JAKMIP3: variants seen among roughly 807,000 people sequenced by gnomAD.
The protein encoded by JAKMIP3 is janus kinase and microtubule-interacting protein 3.
JAKMIP3 carries 58 observed loss-of-function variants against 118.5 expected under a neutral mutation model. That is an observed-to-expected ratio of 0.49 (90% CI 0.40 to 0.61). The LOEUF is 0.61. JAKMIP3 is among the 20% of genes least tolerant of loss of function. The pLI, the probability that JAKMIP3 is intolerant of heterozygous loss-of-function variation, is 0.00. For missense variants in JAKMIP3, 950 were observed against 1,109.0 expected (o/e 0.86, Z 2.04); for synonymous variants, 486 against 451.2 (o/e 1.08, Z -0.98).
At position 132,153,038 on chromosome 10, in the gene JAKMIP3, G is replaced by A; in HGVS notation, c.2073+15G>A. ...TGGCCGAAAAGGTAACAGCAGCTGTGTGGACAGTCGGGAGAGGGCCGGGCT... is the reference window on the plus strand; with the variant it reads ...TGGCCGAAAAGGTAACAGCAGCTGTATGGACAGTCGGGAGAGGGCCGGGCT... On this transcript the variant is annotated intron_variant, in intron 17 of 23. Transcript: ENST00000684848. The A allele has an allele frequency of 1.2e-6, 2 of 1,600,168 alleles. No individual in the cohort carries two copies. The highest frequency in any genetic ancestry group is 1.7e-6 in the Non-Finnish European group (2 of 1,172,854).
Position 132,180,736 on chromosome 10 carries a change from TGCGTGCGTGC to T in JAKMIP3, c.*1104-1617_*1104-1608del, listed in dbSNP as rs1192703655. Among the ~76,000 whole-genome samples the T allele has an allele frequency of 9.3e-3, 105 of 11,318 alleles. 23 individuals carry two copies. The highest frequency in any genetic ancestry group is 0.038 in the South Asian group (10 of 266). 7.4% of individuals were successfully genotyped at this position (11,318 alleles called of 152,430 possible). On this transcript the variant is annotated intron_variant, in intron 23 of 23. Transcript: ENST00000684848. The stretch of plus-strand genomic sequence containing the variant: ...GTGTGTGTGCGTGTGTGTGCGTGTG[TGCGTGCGTGC>T]GCGCGCGTGTGTGCGTGTGTGTGCG...
At chr10:132,122,476 G>A (rs775108562) in intron 3 of JAKMIP3, among the ~76,000 whole-genome samples, 8 of 152,286 alleles carry the variant, frequency 5.3e-5, no homozygotes, top group Non-Finnish European at 1.0e-4. Flanking sequence ...GGAGAGACTG[G>A]AGGGGCCACA....
At chr10:132,162,716 A>G (rs747443159) in intron 19 of JAKMIP3, among the ~76,000 whole-genome samples, 22 of 141,164 alleles carry the variant, frequency 1.6e-4, no homozygotes, top group Non-Finnish European at 2.4e-4. Context: ...TTTGAAATAT[A>G]CAGAGCAAAC....
chr10:132,051,966 A>G (rs1450169162), intron 1 of JAKMIP3, among the ~76,000 whole-genome samples: 3 of 152,248 alleles, frequency 2.0e-5, no homozygotes, highest in Non-Finnish European at 4.4e-5. Context: ...GTGGTGGCTC[A>G]CACCCAGTAC....
chr10:132,080,539 TA>T (rs749076283), intron 1 of JAKMIP3, among the ~76,000 whole-genome samples: 1,376 of 107,646 alleles, frequency 0.013, 181 homozygotes, highest in Middle Eastern at 0.032. Flanking sequence ...TTTTTTTTTT[TA>T]AGATGGAGTC....
chr10:132,068,356 T>A (rs1250230963), intron 1 of JAKMIP3, among the ~76,000 whole-genome samples: 2 of 152,228 alleles, frequency 1.3e-5, no homozygotes, highest in Non-Finnish European at 2.9e-5. Context: ...GGTGTTAATT[T>A]TCCATTTGGA....
At chr10:132,110,421 A>G (rs1039469476) in intron 2 of JAKMIP3, among the ~76,000 whole-genome samples, 4 of 152,266 alleles carry the variant, frequency 2.6e-5, no homozygotes, top group African/African-American at 9.6e-5. Flanking sequence ...GCCTGTGGTT[A>G]TGTGAAGATG....
chr10:132,158,658 G>A (rs2932947), intron 19 of JAKMIP3, among the ~76,000 whole-genome samples: 1 of 151,070 alleles, frequency 6.6e-6, no homozygotes, highest in Admixed American at 6.6e-5. Flanking sequence ...CTGTGGGAGG[G>A]GCATCTTCCT....
chr10:132,077,673 A>T (rs561863733), intron 1 of JAKMIP3, among the ~76,000 whole-genome samples: 17 of 152,308 alleles, frequency 1.1e-4, no homozygotes, highest in Admixed American at 3.3e-4. Context: ...TTTTTGAGAC[A>T]GAGTTTCACT....
chr10:132,141,357 C>T (rs1032855577), intron 10 of JAKMIP3, among the ~76,000 whole-genome samples: 4 of 152,184 alleles, frequency 2.6e-5, no homozygotes, highest in African/African-American at 9.7e-5. Flanking sequence ...CGGGGGTCCA[C>T]CGGGACCCTT....
At chr10:132,056,478 C>A (rs950894093) in intron 1 of JAKMIP3, among the ~76,000 whole-genome samples, 1 of 152,176 alleles carries the variant, frequency 6.6e-6, no homozygotes, top group Non-Finnish European at 1.5e-5. Context: ...TACTGGAGAC[C>A]AATCGAGGCC....
chr10:132,105,048 C>T (rs1001549328), intron 2 of JAKMIP3, 105 bp downstream of exon 2: 1 of 1,337,948 alleles, frequency 7.5e-7, no homozygotes, highest in Non-Finnish European at 1.0e-6. Flanking sequence ...CTGTGGAAAC[C>T]CCCACCCAGT....
chr10:132,167,882 T>TCCCCCCC, intron 22 of JAKMIP3, 71 bp from the exon 23 acceptor site: 1 of 1,075,380 alleles, frequency 9.3e-7, no homozygotes. Context: ...CCCTCGCCCC[T>TCCCCCCC]CGGCCCTCGC....
At chr10:132,167,651 T>G (rs531167914) in intron 22 of JAKMIP3, among the ~76,000 whole-genome samples, 3 of 152,252 alleles carry the variant, frequency 2.0e-5, no homozygotes, top group Admixed American at 6.5e-5. Context: ...TTCGCCTCGG[T>G]CCTCGAGTCT....
At chr10:132,070,781 G>T (rs2039715032) in intron 1 of JAKMIP3, among the ~76,000 whole-genome samples, 1 of 152,174 alleles carries the variant, frequency 6.6e-6, no homozygotes, top group Non-Finnish European at 1.5e-5. Flanking sequence ...TAGTTTTGGG[G>T]CAGCTGCAGT....
chr10:132,097,607 T>C (rs966738886), intron 1 of JAKMIP3, among the ~76,000 whole-genome samples: 1 of 151,948 alleles, frequency 6.6e-6, no homozygotes, highest in African/African-American at 2.4e-5. Context: ...ACAGGAGTGT[T>C]CCCAACCTTT....
chr10:132,167,153 C>T (rs141430338), intron 22 of JAKMIP3, 98 bp downstream of exon 22: 17,412 of 829,738 alleles, frequency 0.021, 297 homozygotes, highest in Middle Eastern at 0.035. Flanking sequence ...ACCTGCCATT[C>T]GATCAACTGG....
intron 1 of JAKMIP3, among the ~76,000 whole-genome samples, chr10:132,102,874 A>T: frequency 6.6e-6 from 1 of 151,178 alleles, no homozygotes; most frequent in Admixed American, 6.6e-5. Context: ...ATGCAGGAGT[A>T]GGGGGGGAGG....
At chr10:132,084,516 G>C (rs1233803681) in intron 1 of JAKMIP3, among the ~76,000 whole-genome samples, 2 of 152,156 alleles carry the variant, frequency 1.3e-5, no homozygotes, top group Non-Finnish European at 2.9e-5. Context: ...TTATGGATTT[G>C]TATGCCCTTT....
Sources: allele counts gnomAD v4.1 joint callset (sites outside exome capture counted in the v4.1 genomes callset), GRCh38; gene constraint gnomAD v4.1.1; transcripts MANE v1.5; gene names NCBI Gene and HGNC (gene_info 2026-07-23, HGNC 2026-07-21).